The following TMEM132B variants were observed in gnomAD, a reference collection of about 807,000 sequenced individuals.
TMEM132B encodes transmembrane protein 132B.
In TMEM132B, 18 loss-of-function variants were observed where a neutral mutation model predicts 90.8. That is an observed-to-expected ratio of 0.20 (90% CI 0.14 to 0.29). TMEM132B has a LOEUF of 0.29. Ranked by LOEUF, TMEM132B falls within the 10% of genes least tolerant of loss-of-function variation. The pLI is 1.00. For missense variants in TMEM132B, 1,096 were observed against 1,326.8 expected (o/e 0.83, Z 2.70); for synonymous variants, 504 against 523.3 (o/e 0.96, Z 0.50).
intron 5 of TMEM132B, among the ~76,000 whole-genome samples, chr12:125,620,006 T>C (rs1886082135): frequency 6.6e-6 from 1 of 152,176 alleles, no homozygotes; most frequent in African/African-American, 2.4e-5. Flanking sequence ...GGAGGTGCTG[T>C]CATTCTGGGA....
At chr12:125,414,717 G>A (rs149657717) in intron 2 of TMEM132B, among the ~76,000 whole-genome samples, 1 of 152,310 alleles carries the variant, frequency 6.6e-6, no homozygotes, top group African/African-American at 2.4e-5. Flanking sequence ...CCCACGGCCT[G>A]CCTTCATCCT....
At chr12:125,290,371 G>A (rs934833765) in intron 1 of TMEM132B, among the ~76,000 whole-genome samples, 1 of 152,062 alleles carries the variant, frequency 6.6e-6, no homozygotes, top group Non-Finnish European at 1.5e-5. Flanking sequence ...CCACCCAACC[G>A]AGGAAATAAA....
At chr12:125,300,672 T>C (rs976830054) in intron 1 of TMEM132B, among the ~76,000 whole-genome samples, 9 of 152,148 alleles carry the variant, frequency 5.9e-5, no homozygotes, top group Non-Finnish European at 4.4e-5. Context: ...AGCAACTCCA[T>C]GAGGTAGGAG....
chr12:125,278,218 C>T (rs118037361), intron 1 of TMEM132B, among the ~76,000 whole-genome samples: 298 of 152,328 alleles, frequency 2.0e-3, no homozygotes, highest in Middle Eastern at 0.01. Flanking sequence ...ATATTGTCTA[C>T]GGTTGCTTTC....
In TMEM132B at chr12:125,498,852, C is replaced by T. The variant is rs1381159833; in HGVS notation, c.1107-20587C>T. 6.6e-6 allele frequency among the ~76,000 whole-genome samples: 1 copy of T among 152,234 alleles called. No homozygotes were observed. The highest frequency in any genetic ancestry group is 6.5e-5 in the Admixed American group (1 of 15,286). On this transcript the variant is annotated intron_variant, in intron 3 of 8. Transcript: ENST00000682704. This position sits in a 1 kb window ranked among gnomAD's most constrained non-coding sequence, Gnocchi z 4.5. ...TGCTTTCATTTCTAGTAAATCAGGT[C>T]TCCTGCCCAAAGGGCATGCAGGTTT...
chr12:125,423,327 G>A (rs1880221485), intron 3 of TMEM132B, among the ~76,000 whole-genome samples: 2 of 152,244 alleles, frequency 1.3e-5, no homozygotes, highest in South Asian at 4.1e-4. Context: ...CACTTCAGGA[G>A]TTCAAAGCCA....
At chr12:125,231,208 C>CGT (rs140099684) in intron 1 of TMEM132B, among the ~76,000 whole-genome samples, 6,944 of 146,478 alleles carry the variant, frequency 0.047, 148 homozygotes, top group Non-Finnish European at 0.053. Context: ...GGCTGTCTTC[C>CGT]GTGTGTGTGT....
rs1880981386 is a variant in TMEM132B at position 125,445,501 on chromosome 12, CT to C, written c.1106+29825del. Among the ~76,000 whole-genome samples, 1 of 152,244 alleles carries C rather than the reference CT, an allele frequency of 6.6e-6. No individual in the cohort carries two copies. Among genetic ancestry groups the C allele is most frequent in the South Asian group, 2.1e-4 (1 of 4,836 alleles). ...ATTTAAGCTTTGTCAGCAGAGGACA[CT>C]GGAGGAACATGGTAGGAGGAGGGAT... On this transcript the variant is annotated intron_variant, in intron 3 of 8. Coordinates refer to ENST00000682704, the MANE Select transcript of TMEM132B (RefSeq NM_001366854.1). This position sits in a 1 kb window ranked among gnomAD's most constrained non-coding sequence, Gnocchi z 4.3.
At chr12:125,523,244 G>A (rs758152486) in intron 4 of TMEM132B, among the ~76,000 whole-genome samples, 2 of 152,130 alleles carry the variant, frequency 1.3e-5, no homozygotes, top group Non-Finnish European at 2.9e-5. Context: ...GAAGTCTTAA[G>A]TAGGTTCCCT....
chr12:125,397,446 G>A (rs1387713579), intron 2 of TMEM132B, among the ~76,000 whole-genome samples: 1 of 152,094 alleles, frequency 6.6e-6, no homozygotes, highest in Non-Finnish European at 1.5e-5. Context: ...CATTTCAAAA[G>A]CATTTTTAGT....
intron 3 of TMEM132B, among the ~76,000 whole-genome samples, chr12:125,466,094 A>G (rs1054448465): frequency 2.6e-5 from 4 of 152,194 alleles, no homozygotes; most frequent in African/African-American, 9.7e-5. Context: ...TTCAGAAGAG[A>G]GGTCTGGCCT....
chr12:125,622,751 G>A lies in TMEM132B; in HGVS notation c.1438-21325G>A, dbSNP rs182875308. 6 of 743,466 alleles carry A rather than the reference G, an allele frequency of 8.1e-6. No individual in the cohort carries two copies. The East Asian group carries it at 6.6e-4, about 81-fold the overall frequency. The allele number at this position is 743,466 out of a possible 1,614,324, so 46.1% of individuals were successfully genotyped here. A position where few individuals can be genotyped will look rare whatever the true frequency, so the allele number is the denominator to read the frequency against. ...GCTCTCATTCTGGAGCAAGTGGTGG[G>A]GAGGACATCATTTGTATTTACTTTT... On this transcript the variant is annotated intron_variant, in intron 5 of 8. Coordinates refer to ENST00000682704, the MANE Select transcript of TMEM132B (RefSeq NM_001366854.1).
At chr12:125,652,313 TA>T in intron 7 of TMEM132B, 127 bp from the exon 8 acceptor site, 1 of 817,056 alleles carries the variant, frequency 1.2e-6, no homozygotes, top group Non-Finnish European at 1.9e-6. Flanking sequence ...AATACTTCCC[TA>T]ACCGATTCCC....
At chr12:125,478,627 A>G (rs944372181) in intron 3 of TMEM132B, among the ~76,000 whole-genome samples, 2 of 152,220 alleles carry the variant, frequency 1.3e-5, no homozygotes, top group African/African-American at 4.8e-5. Flanking sequence ...GACCAAATCT[A>G]CGTCTGATTC....
intron 1 of TMEM132B, among the ~76,000 whole-genome samples, chr12:125,339,732 C>T (rs1181672921): frequency 5.3e-5 from 8 of 152,270 alleles, no homozygotes; most frequent in South Asian, 2.1e-4. Flanking sequence ...CAAAGTTACA[C>T]GCTGAGAACG....
chr12:125,513,014 C>T (rs1043263668), intron 3 of TMEM132B, among the ~76,000 whole-genome samples: 7 of 152,134 alleles, frequency 4.6e-5, no homozygotes, highest in Non-Finnish European at 8.8e-5. Flanking sequence ...ATGAGGGGAC[C>T]CCACGCAGTG....
At position 125,653,843 on chromosome 12, in the gene TMEM132B, A is replaced by G. The variant is rs941059583; in HGVS notation, c.2385A>G (p.Glu795=). 2 of 1,614,200 alleles carry G rather than the reference A, an allele frequency of 1.2e-6. No individual in the cohort carries two copies. Among genetic ancestry groups the G allele is most frequent in the Non-Finnish European group, 1.7e-6 (2 of 1,180,046 alleles). The change falls in exon 9 of 9, where the codon GAA becomes GAG. Residue 795 remains glutamate, a synonymous_variant. Coordinates refer to ENST00000682704, the MANE Select transcript of TMEM132B (RefSeq NM_001366854.1). The part of the protein sequence containing the change: ...VGKGNVKVKF[E]PSSDEHQGGS... ...AAGGAAATGTCAAGGTCAAATTCGA[A>G]CCAAGTAGTGATGAGCACCAAGGAG...
intron 4 of TMEM132B, among the ~76,000 whole-genome samples, chr12:125,574,434 T>A (rs1228470766): frequency 6.6e-6 from 1 of 151,962 alleles, no homozygotes; most frequent in African/African-American, 2.4e-5. Flanking sequence ...GTGGAAGGAG[T>A]TGCTGCTATC....
chr12:125,419,971 C>T (rs558451480), intron 3 of TMEM132B, among the ~76,000 whole-genome samples: 28 of 152,352 alleles, frequency 1.8e-4, no homozygotes, highest in African/African-American at 6.3e-4. Context: ...TGTCTCACGT[C>T]CAGGTCACAC....
Sources: allele counts gnomAD v4.1 joint callset (sites outside exome capture counted in the v4.1 genomes callset), GRCh38; gene constraint gnomAD v4.1.1; non-coding constraint Gnocchi (gnomAD v3.1); transcripts MANE v1.5; gene names NCBI Gene and HGNC (gene_info 2026-07-23, HGNC 2026-07-21).